Variants in WWOX observed in about 807,000 individuals in gnomAD.
The protein encoded by WWOX is WW domain containing oxidoreductase.
A neutral mutation model predicts 46.2 loss-of-function variants in WWOX; 69 were observed. The observed-to-expected ratio is 1.49, with a 90% CI of 1.23 to 1.82. The LOEUF (loss-of-function observed/expected upper bound fraction) is 1.82, where lower values mean the gene tolerates loss of function less well. WWOX is among the 40% of genes most tolerant of loss of function. WWOX has a pLI of 0.00. For missense variants in WWOX, 919 were observed against 542.6 expected (o/e 1.69, Z -6.89); for synonymous variants, 359 against 202.6 (o/e 1.77, Z -6.56).
intron 8 of WWOX, among the ~76,000 whole-genome samples, chr16:78,976,236 T>C (rs956826477): frequency 6.6e-6 from 1 of 152,212 alleles, no homozygotes; most frequent in Non-Finnish European, 1.5e-5. Context: ...CTTGCAAATC[T>C]CCCTGCACAC....
At chr16:79,029,653 A>G (rs902536157) in intron 8 of WWOX, among the ~76,000 whole-genome samples, 1 of 152,216 alleles carries the variant, frequency 6.6e-6, no homozygotes, top group Non-Finnish European at 1.5e-5. Flanking sequence ...TTTAACTTTA[A>G]TGAGAAATTG....
At chr16:79,045,466 C>T (rs926724209) in intron 8 of WWOX, among the ~76,000 whole-genome samples, 1 of 152,174 alleles carries the variant, frequency 6.6e-6, no homozygotes, top group Admixed American at 6.5e-5. Context: ...GCAAAGTTGC[C>T]AGCTGACCTC....
chr16:78,765,908 C>T (rs1429031181), intron 8 of WWOX, among the ~76,000 whole-genome samples: 3 of 152,176 alleles, frequency 2.0e-5, no homozygotes, highest in African/African-American at 4.8e-5. Flanking sequence ...ACGTGGCTTC[C>T]ATGCCCATTG....
In WWOX at chr16:79,212,361, G is replaced by A. The variant is rs956264331; in HGVS notation, c.*565G>A. ...GTGAGGATGACAGTGACACCCAGAG[G>A]GAGTAGAATACGCAGAACTACCAGG... On this transcript the variant is annotated 3_prime_UTR_variant, in exon 9 of 9. Transcript: ENST00000566780. 34 of 572,394 alleles carry A rather than the reference G, an allele frequency of 5.9e-5. No homozygotes were observed. In the East Asian group the frequency reaches 8.6e-4, roughly 14 times the overall value. The allele number at this position is 572,394 out of a possible 1,614,324, so 35.5% of individuals were successfully genotyped here. A position where few individuals can be genotyped will look rare whatever the true frequency, so the allele number is the denominator to read the frequency against.
In WWOX at chr16:79,024,480, C is replaced by G. The variant is rs534925184; in HGVS notation, c.1057-187128C>G. ...ACGGAGTTTTGCTCTGTTGCCCAGG[C>G]TGGAGTGCAGTGGTGCTATCTCAGC... On this transcript the variant is annotated intron_variant, in intron 8 of 8. Coordinates refer to ENST00000566780, the MANE Select transcript of WWOX (RefSeq NM_016373.4). Among the ~76,000 whole-genome samples, 58 of 152,238 alleles carry G rather than the reference C, an allele frequency of 3.8e-4. No homozygotes were observed. In the South Asian group the frequency reaches 0.012, roughly 32 times the overall value.
rs372492083 is a variant in WWOX, at chr16:79,156,074, C to T, written c.1057-55534C>T. 9.2e-5 allele frequency among the ~76,000 whole-genome samples: 14 copies of T among 152,278 alleles called. No homozygotes were observed. In the East Asian group the frequency reaches 1.4e-3, roughly 15 times the overall value. Reference sequence around the variant, plus strand: ...AGACAGGTCACCACCACCTCTTCAACGACTGGAATTTGCACAGTCTCACTA... The same window carrying T: ...AGACAGGTCACCACCACCTCTTCAATGACTGGAATTTGCACAGTCTCACTA... On this transcript the variant is annotated intron_variant, in intron 8 of 8. Transcript: ENST00000566780.
chr16:79,167,776 A>G (rs568725389), intron 8 of WWOX, among the ~76,000 whole-genome samples: 1 of 152,334 alleles, frequency 6.6e-6, no homozygotes, highest in East Asian at 1.9e-4. Flanking sequence ...ACAGTTAACC[A>G]TTTTAAAGTG....
chr16:78,981,047 C>T (rs1366340717), intron 8 of WWOX, among the ~76,000 whole-genome samples: 1 of 152,180 alleles, frequency 6.6e-6, no homozygotes, highest in Non-Finnish European at 1.5e-5. Context: ...TTTTGTATGT[C>T]ATGCAGTCAT....
chr16:78,433,813 G>A (rs867608244), intron 8 of WWOX, among the ~76,000 whole-genome samples: 6 of 116,116 alleles, frequency 5.2e-5, no homozygotes, highest in Admixed American at 1.1e-4. Context: ...TTTTTGAGAC[G>A]GAGTCTCGCT....
At chr16:78,858,244 A>G in intron 8 of WWOX, among the ~76,000 whole-genome samples, 1 of 150,544 alleles carries the variant, frequency 6.6e-6, no homozygotes, top group East Asian at 1.9e-4. Flanking sequence ...GATTACATGG[A>G]GAAGTTCTTT....
At chr16:78,512,860 A>G (rs2085396294) in intron 8 of WWOX, among the ~76,000 whole-genome samples, 1 of 152,260 alleles carries the variant, frequency 6.6e-6, no homozygotes, top group East Asian at 1.9e-4. Context: ...CAGCCCTCCC[A>G]TTGGAATCAC....
rs546919570 is a variant in WWOX at position 79,181,270 on chromosome 16, A to C, written c.1057-30338A>C. ...TACGGAACACGTATAGATCAAACAAAAATTTTTAAAAATGCTTGCATACTG... is the reference window on the plus strand; with the variant it reads ...TACGGAACACGTATAGATCAAACAACAATTTTTAAAAATGCTTGCATACTG... On this transcript the variant is annotated intron_variant, in intron 8 of 8. Coordinates refer to ENST00000566780, the MANE Select transcript of WWOX (RefSeq NM_016373.4). Among the ~76,000 whole-genome samples, 3 of 152,338 alleles carry C rather than the reference A, an allele frequency of 2.0e-5. No individual in the cohort carries two copies. The East Asian group carries it at 5.8e-4, about 29-fold the overall frequency.
At position 78,300,857 on chromosome 16, in the gene WWOX, A is replaced by G. The variant is rs185800738; in HGVS notation, c.517-86003A>G. On this transcript the variant is annotated intron_variant, in intron 5 of 8. Coordinates refer to ENST00000566780, the MANE Select transcript of WWOX (RefSeq NM_016373.4). ...TAGGTTGTCAGTGTCTCCAGGGGCC[A>G]TATGTTCACCACCTAGACTCAACAG... 4.2e-3 allele frequency among the ~76,000 whole-genome samples: 644 copies of G among 152,230 alleles called. 5 individuals carry two copies. The highest frequency in any genetic ancestry group is 1.0e-2 in the South Asian group (48 of 4,806).
intron 5 of WWOX, among the ~76,000 whole-genome samples, chr16:78,257,643 G>A (rs1428498678): frequency 5.3e-5 from 8 of 152,076 alleles, no homozygotes; most frequent in Admixed American, 1.3e-4. Context: ...GTCTACCGCA[G>A]CGGTTTTTTC....
intron 8 of WWOX, among the ~76,000 whole-genome samples, chr16:78,853,293 T>C (rs1456342140): frequency 6.6e-6 from 1 of 152,196 alleles, no homozygotes; most frequent in Non-Finnish European, 1.5e-5. Context: ...TGATCTCGGC[T>C]CACTGCAACC....
chr16:78,393,487 T>C (rs923481805), intron 6 of WWOX, among the ~76,000 whole-genome samples: 3 of 151,228 alleles, frequency 2.0e-5, no homozygotes, highest in African/African-American at 7.3e-5. Flanking sequence ...AGTGAGACGC[T>C]GTCTCTATAT....
At chr16:78,457,703 C>A (rs901789121) in intron 8 of WWOX, among the ~76,000 whole-genome samples, 4 of 152,018 alleles carry the variant, frequency 2.6e-5, no homozygotes, top group African/African-American at 9.7e-5. Flanking sequence ...CACCTGAGGT[C>A]AGGAGTTCGA....
At chr16:78,432,151 T>A (rs1425199869) in intron 7 of WWOX, among the ~76,000 whole-genome samples, 1 of 151,316 alleles carries the variant, frequency 6.6e-6, no homozygotes, top group Non-Finnish European at 1.5e-5. Context: ...CGAGTCTAGC[T>A]CTGTCACCCA....
intron 8 of WWOX, among the ~76,000 whole-genome samples, chr16:78,817,169 ATTCTTTTTTT>A (rs1427526439): frequency 0.091 from 2,425 of 26,590 alleles, 40 homozygotes; most frequent in Middle Eastern, 0.17. Context: ...CATTAGTGCT[ATTCTTTTTTT>A]TTTTTTTTTT....
Sources: gnomAD v4.1 joint callset for allele counts (sites outside exome capture counted in the v4.1 genomes callset) on GRCh38, gnomAD v4.1.1 for gene constraint, MANE v1.5 for transcripts, NCBI Gene and HGNC (gene_info 2026-07-23, HGNC 2026-07-21) for gene names.